Variants in B3GALT1 observed in about 807,000 individuals in gnomAD.
The protein encoded by B3GALT1 is beta-1,3-galactosyltransferase 1, also known as UDP-Gal:betaGlcNAc beta 1,3-galactosyltransferase, polypeptide 1.
A neutral mutation model predicts 23.2 loss-of-function variants in B3GALT1; 10 were observed. The observed-to-expected ratio is 0.43, with a 90% CI of 0.27 to 0.73. The LOEUF (loss-of-function observed/expected upper bound fraction) is 0.73, where lower values mean the gene tolerates loss of function less well. Ranked by LOEUF, B3GALT1 falls within the 30% of genes least tolerant of loss-of-function variation. The pLI is 0.21. For synonymous variants in B3GALT1, 156 were observed against 141.5 expected (o/e 1.10, Z -0.73); for missense variants, 299 against 405.4 (o/e 0.74, Z 2.25).
intron 4 of B3GALT1, among the ~76,000 whole-genome samples, chr2:167,868,036 A>C (rs185382904): frequency 1.3e-5 from 2 of 152,254 alleles, no homozygotes; most frequent in South Asian, 4.1e-4. Context: ...GTATAATTTC[A>C]TCAAGGGAAC....
intron 1 of B3GALT1, among the ~76,000 whole-genome samples, chr2:167,465,828 A>C (rs2105328051): frequency 6.6e-6 from 1 of 152,186 alleles, no homozygotes; most frequent in Admixed American, 6.5e-5. Flanking sequence ...AACTTCATAC[A>C]CCTGCAGGGA....
intron 3 of B3GALT1, among the ~76,000 whole-genome samples, chr2:167,660,412 T>C (rs1174503402): frequency 6.6e-6 from 1 of 152,048 alleles, no homozygotes; most frequent in Non-Finnish European, 1.5e-5. Context: ...TAAGATAAGT[T>C]CAAAGATGAT....
chr2:167,581,968 C>T (rs1195647128), intron 2 of B3GALT1, among the ~76,000 whole-genome samples: 1 of 152,226 alleles, frequency 6.6e-6, no homozygotes, highest in East Asian at 1.9e-4. Context: ...ACTGGTGAAA[C>T]TGCAATGTTC....
intron 2 of B3GALT1, among the ~76,000 whole-genome samples, chr2:167,601,991 C>G (rs1314606520): frequency 1.3e-5 from 2 of 152,126 alleles, no homozygotes; most frequent in East Asian, 3.9e-4. Context: ...TGTTTTATAT[C>G]AAAACAACAG....
intron 2 of B3GALT1, among the ~76,000 whole-genome samples, chr2:167,548,710 GTGTGTGTA>G (rs1306665206): frequency 2.6e-5 from 4 of 151,700 alleles, no homozygotes; most frequent in South Asian, 4.2e-4. Context: ...GTGTGTGTGT[GTGTGTGTA>G]TGTGTGTGTC....
intron 1 of B3GALT1, among the ~76,000 whole-genome samples, chr2:167,365,002 G>A (rs1274328751): frequency 6.6e-6 from 1 of 152,190 alleles, no homozygotes; most frequent in Non-Finnish European, 1.5e-5. Flanking sequence ...TACTTTAAAT[G>A]TTTGAAATAT....
chr2:167,397,969 T>C (rs1698122862), intron 1 of B3GALT1, among the ~76,000 whole-genome samples: 1 of 152,148 alleles, frequency 6.6e-6, no homozygotes, highest in South Asian at 2.1e-4. Flanking sequence ...TTTGACTTGA[T>C]TGGTAGAAAA....
At chr2:167,607,479 G>A (rs1038612078) in intron 2 of B3GALT1, among the ~76,000 whole-genome samples, 4 of 152,172 alleles carry the variant, frequency 2.6e-5, no homozygotes. Context: ...TACTGCTAGT[G>A]CATATAACTT....
chr2:167,714,073 A>G, intron 3 of B3GALT1: 1 of 1,535,814 alleles, frequency 6.5e-7, no homozygotes, highest in Non-Finnish European at 9.0e-7. Context: ...CATCTTTGGC[A>G]TCATTTCTAG....
At position 167,760,772 on chromosome 2, in the gene B3GALT1, A is replaced by G. The variant is rs113736986; in HGVS notation, c.-351-57900A>G. On this transcript the variant is annotated intron_variant, in intron 3 of 4. Transcript: ENST00000392690. ...GGCTTCTTCGTTAGTTTCTCAAGCT[A>G]CCTACTAAGTGGAACTCTTATATGT... is the stretch of plus-strand genomic sequence containing the variant. Among the ~76,000 whole-genome samples the G allele has an allele frequency of 1.5e-3, 222 of 152,320 alleles. 1 individual carries two copies. Among genetic ancestry groups the G allele is most frequent in the African/African-American group, 5.0e-3 (209 of 41,582 alleles).
At chr2:167,447,781 A>C (rs1574083209) in intron 1 of B3GALT1, among the ~76,000 whole-genome samples, 1 of 152,156 alleles carries the variant, frequency 6.6e-6, no homozygotes, top group East Asian at 1.9e-4. Context: ...TTGTCTAGGA[A>C]ATGGAATTCC....
intron 1 of B3GALT1, among the ~76,000 whole-genome samples, chr2:167,440,576 T>C (rs903884683): frequency 6.6e-6 from 1 of 152,058 alleles, no homozygotes; most frequent in Non-Finnish European, 1.5e-5. Flanking sequence ...TCAGCACATT[T>C]TTAATTTTTG....
At chr2:167,400,896 A>C (rs1170302227) in intron 1 of B3GALT1, among the ~76,000 whole-genome samples, 1 of 152,108 alleles carries the variant, frequency 6.6e-6, no homozygotes, top group Non-Finnish European at 1.5e-5. Context: ...TCCACAGACA[A>C]GAATGAAATA....
At chr2:167,306,882 C>G (rs1696560404) in intron 1 of B3GALT1, among the ~76,000 whole-genome samples, 1 of 151,888 alleles carries the variant, frequency 6.6e-6, no homozygotes, top group Non-Finnish European at 1.5e-5. Flanking sequence ...CCCACTAAGC[C>G]TCATGGTTAC....
chr2:167,829,959 C>T (rs1043169242), intron 4 of B3GALT1, among the ~76,000 whole-genome samples: 1 of 152,148 alleles, frequency 6.6e-6, no homozygotes, highest in Non-Finnish European at 1.5e-5. Flanking sequence ...CAAGTAACCA[C>T]AGTCTTTTGG....
chr2:167,338,964 T>A (rs971146574), intron 1 of B3GALT1, among the ~76,000 whole-genome samples: 1 of 152,168 alleles, frequency 6.6e-6, no homozygotes, highest in Non-Finnish European at 1.5e-5. Flanking sequence ...AGAGGCTGAT[T>A]AATCTTAGTA....
intron 1 of B3GALT1, among the ~76,000 whole-genome samples, chr2:167,468,341 A>G (rs1416277287): frequency 6.6e-6 from 1 of 152,198 alleles, no homozygotes; most frequent in East Asian, 1.9e-4. Flanking sequence ...TAACATAAAT[A>G]TAAAAAATCT....
chr2:167,794,066 T>A (rs769229121), intron 3 of B3GALT1, among the ~76,000 whole-genome samples: 1 of 152,222 alleles, frequency 6.6e-6, no homozygotes, highest in African/African-American at 2.4e-5. Context: ...AGCAAACATA[T>A]GATGCGCTTT....
chr2:167,797,555 C>T (rs576660089), intron 3 of B3GALT1, among the ~76,000 whole-genome samples: 1 of 152,348 alleles, frequency 6.6e-6, no homozygotes, highest in South Asian at 2.1e-4. Flanking sequence ...AACTGCCACA[C>T]TGTCTTCCAC....
Sources: gnomAD v4.1 joint callset for allele counts (sites outside exome capture counted in the v4.1 genomes callset) on GRCh38, gnomAD v4.1.1 for gene constraint, MANE v1.5 for transcripts, NCBI Gene and HGNC (gene_info 2026-07-23, HGNC 2026-07-21) for gene names.